Variants in LHFPL6 observed in about 807,000 individuals in gnomAD.
The protein encoded by LHFPL6 is LHFPL tetraspan subfamily member 6.
A neutral mutation model predicts 20.6 loss-of-function variants in LHFPL6; 9 were observed. That is an observed-to-expected ratio of 0.44 (90% CI 0.26 to 0.76). The LOEUF (loss-of-function observed/expected upper bound fraction) is 0.76. Among genes scored for constraint, LHFPL6 ranks in the 30% least tolerant of loss-of-function variants. LHFPL6 has a pLI of 0.20. For missense variants in LHFPL6, 218 were observed against 253.5 expected (o/e 0.86, Z 0.95); for synonymous variants, 105 against 98.7 (o/e 1.06, Z -0.38).
chr13:39,557,047 A>T (rs1293864443), intron 2 of LHFPL6, among the ~76,000 whole-genome samples: 1 of 152,216 alleles, frequency 6.6e-6, no homozygotes, highest in Non-Finnish European at 1.5e-5. Context: ...AAGGATTCCA[A>T]GCACACTAAG....
At position 39,452,185 on chromosome 13, in the gene LHFPL6, C is replaced by A. The variant is rs541571613; in HGVS notation, c.386-73659G>T. ...GCTGGTCCCACTCCCCACTGGGCTG[C>A]GGAGGGAAGTGAAGCAATCCACAGG... is the stretch of plus-strand genomic sequence containing the variant. On this transcript the variant is annotated intron_variant, in intron 2 of 3. Coordinates refer to ENST00000379589, the MANE Select transcript of LHFPL6 (RefSeq NM_005780.3). Among the ~76,000 whole-genome samples, 5 of 151,910 alleles carry A rather than the reference C, an allele frequency of 3.3e-5. No individual in the cohort carries two copies. In the South Asian group the frequency reaches 6.2e-4, roughly 19 times the overall value.
chr13:39,562,375 C>CAT (rs1231601466), intron 2 of LHFPL6, among the ~76,000 whole-genome samples: 1 of 101,036 alleles, frequency 9.9e-6, no homozygotes, highest in Middle Eastern at 4.3e-3. Context: ...TACATATATA[C>CAT]ATATATACAT....
At chr13:39,592,544 C>T (rs1282600285) in intron 2 of LHFPL6, among the ~76,000 whole-genome samples, 1 of 152,136 alleles carries the variant, frequency 6.6e-6, no homozygotes. Flanking sequence ...ACCAGAGGTA[C>T]AAGGAGGAGC....
intron 2 of LHFPL6, among the ~76,000 whole-genome samples, chr13:39,546,939 C>A (rs149912276): frequency 3.3e-5 from 5 of 152,180 alleles, no homozygotes; most frequent in Middle Eastern, 3.4e-3. Flanking sequence ...GCTTTGAAGA[C>A]TAAAGATCCT....
intron 2 of LHFPL6, among the ~76,000 whole-genome samples, chr13:39,563,135 C>CAG (rs1871599214): frequency 7.0e-6 from 1 of 143,080 alleles, no homozygotes; most frequent in South Asian, 2.3e-4. Flanking sequence ...CACACACACA[C>CAG]ACACAGCATC....
At chr13:39,402,356 C>A (rs1038682850) in intron 2 of LHFPL6, among the ~76,000 whole-genome samples, 24 of 152,234 alleles carry the variant, frequency 1.6e-4, no homozygotes, top group Non-Finnish European at 2.6e-4. Context: ...TACTGAGTGG[C>A]TGGGACTATA....
intron 2 of LHFPL6, among the ~76,000 whole-genome samples, chr13:39,578,657 C>T (rs956052425): frequency 2.0e-5 from 3 of 152,234 alleles, no homozygotes; most frequent in Admixed American, 2.0e-4. Flanking sequence ...TTCCAGAATA[C>T]GTTTCAACAA....
intron 2 of LHFPL6, among the ~76,000 whole-genome samples, chr13:39,382,534 C>T (rs973574100): frequency 3.3e-5 from 5 of 151,946 alleles, no homozygotes; most frequent in Admixed American, 6.6e-5. Flanking sequence ...GGATTACAGG[C>T]GCGTACCCCC....
At chr13:39,585,783 G>C (rs776215338) in intron 2 of LHFPL6, among the ~76,000 whole-genome samples, 1 of 152,122 alleles carries the variant, frequency 6.6e-6, no homozygotes, top group Non-Finnish European at 1.5e-5. Context: ...CCTGATTAGA[G>C]AATCATTCTT....
At chr13:39,425,962 G>A (rs1208296392) in intron 2 of LHFPL6, among the ~76,000 whole-genome samples, 2 of 152,102 alleles carry the variant, frequency 1.3e-5, no homozygotes, top group South Asian at 4.1e-4. Flanking sequence ...ATGGCCCACT[G>A]TCTTTTCATT....
chr13:39,533,166 T>G (rs1271453973), intron 2 of LHFPL6, among the ~76,000 whole-genome samples: 1 of 152,184 alleles, frequency 6.6e-6, no homozygotes, highest in Non-Finnish European at 1.5e-5. Context: ...TTCCAGAAGA[T>G]AGTTAAAACA....
chr13:39,348,694 T>C (rs1869476376), intron 3 of LHFPL6, among the ~76,000 whole-genome samples: 2 of 152,182 alleles, frequency 1.3e-5, no homozygotes, highest in African/African-American at 4.8e-5. Context: ...TCAAGGGATC[T>C]GTAAGTTTCT....
chr13:39,385,731 C>A (rs1280289744), intron 2 of LHFPL6, among the ~76,000 whole-genome samples: 10 of 152,188 alleles, frequency 6.6e-5, no homozygotes, highest in Non-Finnish European at 1.2e-4. Flanking sequence ...TAACACTTAG[C>A]CAGCGGACTA....
rs546108447 is a variant in LHFPL6, at chr13:39,380,057, A to C, written c.386-1531T>G. Among the ~76,000 whole-genome samples the C allele has an allele frequency of 7.9e-5, 12 of 152,350 alleles. No individual in the cohort carries two copies. In the East Asian group the frequency reaches 2.3e-3, roughly 29 times the overall value. ...CTTAGGCTTTTCCCCTTGGGATAGA[A>C]TGTACAGCATTCTAAAGACAACTCC... is the stretch of plus-strand genomic sequence containing the variant. On this transcript the variant is annotated intron_variant, in intron 2 of 3. Transcript: ENST00000379589.
chr13:39,554,724 C>T (rs899690411), intron 2 of LHFPL6, among the ~76,000 whole-genome samples: 9 of 152,192 alleles, frequency 5.9e-5, no homozygotes, highest in African/African-American at 2.2e-4. Flanking sequence ...CTCCAATAGG[C>T]GTGTGTCCCC....
At chr13:39,389,988 C>T (rs1870661778) in intron 2 of LHFPL6, among the ~76,000 whole-genome samples, 1 of 151,288 alleles carries the variant, frequency 6.6e-6, no homozygotes, top group Non-Finnish European at 1.5e-5. Flanking sequence ...CCTTAACCAA[C>T]ACATCAAGAG....
At chr13:39,487,809 G>T (rs1868776462) in intron 2 of LHFPL6, among the ~76,000 whole-genome samples, 1 of 152,158 alleles carries the variant, frequency 6.6e-6, no homozygotes, top group Non-Finnish European at 1.5e-5. Context: ...ACTTTGGGAG[G>T]CCGAGATGGG....
chr13:39,449,530 T>C (rs932589532), intron 2 of LHFPL6, among the ~76,000 whole-genome samples: 6 of 152,226 alleles, frequency 3.9e-5, no homozygotes, highest in East Asian at 1.9e-4. Context: ...TTGAAAAATA[T>C]TGTAACTGTG....
chr13:39,595,151 A>G (rs950969182), intron 2 of LHFPL6, among the ~76,000 whole-genome samples: 85 of 152,274 alleles, frequency 5.6e-4, no homozygotes, highest in Non-Finnish European at 1.2e-4. Flanking sequence ...AAATAAAAAC[A>G]TTATTAGATA....
Sources: allele counts gnomAD v4.1 joint callset (sites outside exome capture counted in the v4.1 genomes callset), GRCh38; gene constraint gnomAD v4.1.1; transcripts MANE v1.5; gene names NCBI Gene and HGNC (gene_info 2026-07-23, HGNC 2026-07-21).